PTPRD: variants seen among roughly 807,000 people sequenced by gnomAD.
PTPRD encodes the protein protein tyrosine phosphatase receptor type D.
In PTPRD, 34 loss-of-function variants were observed where a neutral mutation model predicts 214.5. That is an observed-to-expected ratio of 0.16 (90% CI 0.12 to 0.21). The LOEUF (loss-of-function observed/expected upper bound fraction) is 0.21, where lower values mean the gene tolerates loss of function less well. Ranked by LOEUF, PTPRD falls within the 10% of genes least tolerant of loss-of-function variation. The pLI, the probability that PTPRD is intolerant of heterozygous loss-of-function variation, is 1.00. For synonymous variants in PTPRD, 1,128 were observed against 845.7 expected, an observed-to-expected ratio of 1.33 and a Z score of -5.79; for missense variants, 2,545 against 2,398.7, an observed-to-expected ratio of 1.06 and a Z score of -1.27.
chr9:9,321,574 G>A (rs974449026), intron 9 of PTPRD, among the ~76,000 whole-genome samples: 1 of 149,696 alleles, frequency 6.7e-6, no homozygotes, highest in Admixed American at 6.7e-5. Flanking sequence ...AAAGGACTCT[G>A]TTTTTGTTAA....
chr9:10,034,020 T>C (rs528345340), intron 3 of PTPRD, among the ~76,000 whole-genome samples: 10 of 152,240 alleles, frequency 6.6e-5, no homozygotes, highest in African/African-American at 2.4e-4. Flanking sequence ...CAGAATCTTT[T>C]AGAAGAATCA....
chr9:10,409,734 A>G (rs1054510501), intron 2 of PTPRD, among the ~76,000 whole-genome samples: 30 of 151,786 alleles, frequency 2.0e-4, no homozygotes, highest in African/African-American at 7.2e-4. Flanking sequence ...ATAAATACAA[A>G]TAGTGGAAAT....
chr9:10,058,138 T>C lies in PTPRD; in HGVS notation c.-544-24348A>G, dbSNP rs2097693447. Among the ~76,000 whole-genome samples, 5 of 152,074 alleles carry C rather than the reference T, an allele frequency of 3.3e-5. No homozygotes were observed. In the South Asian group the frequency reaches 1.0e-3, roughly 31 times the overall value. ...CAACACCCTTTCTCTCCTGTGAAGG[T>C]ATCTCTTTTCCATTACCTTCGTTCT... On this transcript the variant is annotated intron_variant, in intron 3 of 45. Transcript: ENST00000381196.
intron 5 of PTPRD, among the ~76,000 whole-genome samples, chr9:9,934,883 C>G (rs1209727821): frequency 3.3e-5 from 5 of 152,068 alleles, no homozygotes; most frequent in African/African-American, 4.8e-5. Flanking sequence ...CAACCATGAT[C>G]AAGAGGGCTT....
chr9:8,660,372 G>T (rs969104426), intron 12 of PTPRD, among the ~76,000 whole-genome samples: 3 of 152,096 alleles, frequency 2.0e-5, no homozygotes, highest in Admixed American at 6.5e-5. Context: ...GGCTCCGTTC[G>T]TAACAGTGCT....
chr9:8,933,081 T>C (rs2098964351), intron 11 of PTPRD, among the ~76,000 whole-genome samples: 1 of 151,972 alleles, frequency 6.6e-6, no homozygotes, highest in Non-Finnish European at 1.5e-5. Context: ...GCACCGTTCC[T>C]CATGGCACAG....
intron 12 of PTPRD, among the ~76,000 whole-genome samples, chr9:8,653,796 C>T (rs1236420309): frequency 6.6e-6 from 1 of 152,194 alleles, no homozygotes; most frequent in Non-Finnish European, 1.5e-5. Flanking sequence ...ACATCCTATT[C>T]ACTGTATACG....
intron 5 of PTPRD, among the ~76,000 whole-genome samples, chr9:9,888,300 T>A (rs1289534235): frequency 6.6e-6 from 1 of 152,156 alleles, no homozygotes; most frequent in African/African-American, 2.4e-5. Flanking sequence ...CTGAGGATAG[T>A]CCCCAAGTCA....
intron 12 of PTPRD, among the ~76,000 whole-genome samples, chr9:8,702,059 G>A (rs1009204422): frequency 3.9e-5 from 6 of 151,922 alleles, no homozygotes; most frequent in Non-Finnish European, 8.8e-5. Flanking sequence ...TTTAACGTGA[G>A]GACTCTCAAT....
rs2096992623 is a variant in PTPRD at position 8,485,881 on chromosome 9, A to G, written c.2936T>C (p.Met979Thr). 6.2e-7 allele frequency: 1 copy of G among 1,614,178 alleles called. No homozygotes were observed. The highest frequency in any genetic ancestry group is 8.5e-7 in the Non-Finnish European group (1 of 1,180,026). Residue 979 changes from methionine (M) to threonine (T), a missense_variant, in exon 28 of 46, where the codon ATG becomes ACG. Physicochemically the swap from Met to Thr is moderately conservative, Grantham distance 81. Coordinates refer to ENST00000381196, the MANE Select transcript of PTPRD (RefSeq NM_002839.4). ...ATCTGGTTTTAAGCCAGTGAGTGTC[A>G]TAGTGGTGTCAGCTGGAACAATAAG... ...EQLIVPADTT[M>T]TLTGLKPDTT...
At chr9:10,502,461 A>G (rs2044104368) in intron 2 of PTPRD, among the ~76,000 whole-genome samples, 1 of 152,026 alleles carries the variant, frequency 6.6e-6, no homozygotes, top group Non-Finnish European at 1.5e-5. Context: ...TAATCTCTAT[A>G]CACAATAAGG....
chr9:9,176,024 A>G (rs2099924640), intron 10 of PTPRD, among the ~76,000 whole-genome samples: 1 of 152,150 alleles, frequency 6.6e-6, no homozygotes, highest in Non-Finnish European at 1.5e-5. Context: ...AGAATAACAA[A>G]TGTGCAGCTA....
intron 11 of PTPRD, among the ~76,000 whole-genome samples, chr9:8,758,830 C>T (rs1389950031): frequency 1.3e-5 from 2 of 150,912 alleles, no homozygotes; most frequent in African/African-American, 2.4e-5. Flanking sequence ...CGATGACAGG[C>T]GTGTGCCACC....
intron 39 of PTPRD, among the ~76,000 whole-genome samples, chr9:8,345,535 C>G (rs1188174761): frequency 6.6e-6 from 1 of 151,992 alleles, no homozygotes; most frequent in Non-Finnish European, 1.5e-5. Flanking sequence ...TTTAAGGACA[C>G]TAGTCAAGGG....
intron 2 of PTPRD, among the ~76,000 whole-genome samples, chr9:10,526,803 T>C (rs1278899921): frequency 6.6e-6 from 1 of 152,092 alleles, no homozygotes; most frequent in Non-Finnish European, 1.5e-5. Flanking sequence ...TATTAACTTG[T>C]CGATTCTCAA....
chr9:8,394,307 C>T (rs1376341419), intron 36 of PTPRD, among the ~76,000 whole-genome samples: 3 of 151,878 alleles, frequency 2.0e-5, no homozygotes, highest in African/African-American at 7.3e-5. Context: ...TATAATAAAG[C>T]CTTAAGTCCT....
At chr9:8,859,608 C>A (rs779064434) in intron 11 of PTPRD, among the ~76,000 whole-genome samples, 1 of 152,144 alleles carries the variant, frequency 6.6e-6, no homozygotes, top group African/African-American at 2.4e-5. Context: ...TAAACAGACA[C>A]CCTTAGATTT....
At chr9:9,081,998 C>A (rs1358967626) in intron 10 of PTPRD, among the ~76,000 whole-genome samples, 1 of 151,850 alleles carries the variant, frequency 6.6e-6, no homozygotes, top group Non-Finnish European at 1.5e-5. Context: ...AAGCCCAAGA[C>A]CAGACAGATT....
intron 11 of PTPRD, among the ~76,000 whole-genome samples, chr9:8,863,210 A>G (rs1169089674): frequency 6.6e-6 from 1 of 152,154 alleles, no homozygotes; most frequent in Non-Finnish European, 1.5e-5. Context: ...GCTATTTGCT[A>G]CTGGCTCTGC....
Sources: allele counts gnomAD v4.1 joint callset (sites outside exome capture counted in the v4.1 genomes callset), GRCh38; gene constraint gnomAD v4.1.1; transcripts MANE v1.5; gene names NCBI Gene and HGNC (gene_info 2026-07-23, HGNC 2026-07-21).